CSMD1: variants seen among roughly 807,000 people sequenced by gnomAD.
CSMD1 encodes the protein CUB and sushi domain-containing protein 1.
CSMD1 carries 213 observed loss-of-function variants against 417.5 expected under a neutral mutation model. That is an observed-to-expected ratio of 0.51 (90% CI 0.46 to 0.57). CSMD1 has a LOEUF of 0.57. Ranked by LOEUF, CSMD1 falls within the 20% of genes least tolerant of loss-of-function variation. The probability of loss-of-function intolerance (pLI) is 0.00; values close to 1 mark genes in which losing one functional copy is unlikely to be tolerated. For missense variants in CSMD1, 6,923 were observed against 4,529.7 expected, an observed-to-expected ratio of 1.53 and a Z score of -15.17; for synonymous variants, 2,862 against 1,736.8, an observed-to-expected ratio of 1.65 and a Z score of -16.11.
chr8:3,002,404 G>C (rs997880021), intron 52 of CSMD1, among the ~76,000 whole-genome samples: 17 of 152,172 alleles, frequency 1.1e-4, no homozygotes, highest in Non-Finnish European at 2.5e-4. Context: ...GAGCCCATCA[G>C]CCCAGCACAA....
intron 10 of CSMD1, among the ~76,000 whole-genome samples, chr8:3,528,175 T>G (rs1797832227): frequency 6.6e-6 from 1 of 152,232 alleles, no homozygotes; most frequent in African/African-American, 2.4e-5. Flanking sequence ...TTAACTCCCC[T>G]GGTAGAATCA....
At chr8:4,753,460 C>G (rs1219301316) in intron 1 of CSMD1, among the ~76,000 whole-genome samples, 1 of 150,256 alleles carries the variant, frequency 6.7e-6, no homozygotes, top group Non-Finnish European at 1.5e-5. Context: ...CGCACACACT[C>G]CTTTGTGTCT....
intron 3 of CSMD1, among the ~76,000 whole-genome samples, chr8:4,267,905 A>C (rs1215266254): frequency 1.3e-5 from 2 of 152,126 alleles, no homozygotes; most frequent in Non-Finnish European, 2.9e-5. Flanking sequence ...TAATGACTGA[A>C]ATAAAATAGG....
At chr8:3,015,905 C>T (rs1171162784) in intron 52 of CSMD1, among the ~76,000 whole-genome samples, 2 of 152,176 alleles carry the variant, frequency 1.3e-5, no homozygotes, top group African/African-American at 4.8e-5. Context: ...AACTAAGGCA[C>T]AAAGACCCTT....
In CSMD1 at chr8:4,400,821, T is replaced by C. The variant is rs573005342; in HGVS notation, c.415+19132A>G. On this transcript the variant is annotated intron_variant, in intron 3 of 69. Transcript: ENST00000635120. Reference sequence around the variant, plus strand: ...ATGAGCTCATGCTTTTAAAGGATTATTAGGGCATTTGAAGAACATTTTTTA... The same window carrying C: ...ATGAGCTCATGCTTTTAAAGGATTACTAGGGCATTTGAAGAACATTTTTTA... Among the ~76,000 whole-genome samples, 54 of 152,090 alleles carry C rather than the reference T, an allele frequency of 3.6e-4. 1 individual carries two copies. In the South Asian group the frequency reaches 0.01, roughly 29 times the overall value.
intron 1 of CSMD1, among the ~76,000 whole-genome samples, chr8:4,847,823 T>C (rs1757794980): frequency 6.6e-6 from 1 of 151,060 alleles, no homozygotes; most frequent in Non-Finnish European, 1.5e-5. Flanking sequence ...TTCTATACAA[T>C]ATACCTATTT....
chr8:3,422,676 G>T (rs975579079), intron 12 of CSMD1, among the ~76,000 whole-genome samples: 13 of 152,166 alleles, frequency 8.5e-5, no homozygotes, highest in African/African-American at 3.1e-4. Flanking sequence ...GCATTTTTCT[G>T]ATGCCAGTGA....
At chr8:3,798,943 A>T (rs991585923) in intron 5 of CSMD1, among the ~76,000 whole-genome samples, 1 of 152,074 alleles carries the variant, frequency 6.6e-6, no homozygotes, top group Admixed American at 6.6e-5. Flanking sequence ...CATATATATA[A>T]AAACTCTTTA....
At chr8:3,299,347 G>A (rs938863421) in intron 25 of CSMD1, among the ~76,000 whole-genome samples, 2 of 152,120 alleles carry the variant, frequency 1.3e-5, no homozygotes, top group African/African-American at 4.8e-5. Context: ...AGCTACTCAG[G>A]AGGCTCAGGC....
At chr8:4,257,105 A>C (rs185477345) in intron 3 of CSMD1, among the ~76,000 whole-genome samples, 47 of 152,318 alleles carry the variant, frequency 3.1e-4, no homozygotes, top group Middle Eastern at 3.4e-3. Context: ...CACACTCGCC[A>C]TACTCTATAT....
chr8:4,157,313 G>C (rs1002716732), intron 3 of CSMD1, among the ~76,000 whole-genome samples: 4 of 152,198 alleles, frequency 2.6e-5, no homozygotes, highest in Non-Finnish European at 4.4e-5. Flanking sequence ...CACTGCACCA[G>C]CAACTCAGGG....
chr8:4,061,645 A>G (rs1169861723), intron 3 of CSMD1, among the ~76,000 whole-genome samples: 1 of 152,176 alleles, frequency 6.6e-6, no homozygotes, highest in Non-Finnish European at 1.5e-5. Flanking sequence ...GGGAGGATGG[A>G]CTGTGTGGAA....
chr8:4,608,122 T>A (rs1004627683), intron 2 of CSMD1, among the ~76,000 whole-genome samples: 14 of 152,084 alleles, frequency 9.2e-5, no homozygotes, highest in African/African-American at 3.4e-4. Context: ...GTGTCCCTGG[T>A]GTGAAGACAG....
chr8:4,944,411 C>T (rs959803783), intron 1 of CSMD1, among the ~76,000 whole-genome samples: 2 of 152,130 alleles, frequency 1.3e-5, no homozygotes, highest in African/African-American at 4.8e-5. Context: ...TGTAGGAATT[C>T]TCTTGAAATA....
chr8:3,139,382 T>A (rs1025831713), intron 41 of CSMD1, among the ~76,000 whole-genome samples: 10 of 152,102 alleles, frequency 6.6e-5, no homozygotes, highest in Non-Finnish European at 5.9e-5. Flanking sequence ...GATAGCAGAA[T>A]AACCCAGAGA....
chr8:4,179,882 C>T (rs1432396070), intron 3 of CSMD1, among the ~76,000 whole-genome samples: 2 of 152,102 alleles, frequency 1.3e-5, no homozygotes, highest in African/African-American at 2.4e-5. Flanking sequence ...AATGAGATAC[C>T]ATCTCACACC....
intron 5 of CSMD1, among the ~76,000 whole-genome samples, chr8:3,758,021 T>G (rs924136137): frequency 6.6e-6 from 1 of 151,986 alleles, no homozygotes; most frequent in Non-Finnish European, 1.5e-5. Flanking sequence ...TGGACTGCAC[T>G]GGCACAATCT....
chr8:3,763,501 G>A (rs1042899568), intron 5 of CSMD1, among the ~76,000 whole-genome samples: 3 of 151,986 alleles, frequency 2.0e-5, no homozygotes, highest in Non-Finnish European at 4.4e-5. Context: ...ATATACCTGT[G>A]CCCACTCTAC....
intron 69 of CSMD1, among the ~76,000 whole-genome samples, chr8:2,941,261 T>C (rs987318611): frequency 1.3e-5 from 2 of 152,176 alleles, no homozygotes; most frequent in African/African-American, 4.8e-5. Context: ...TGAAGCAACA[T>C]TTTCTCTACT....
Sources: allele counts gnomAD v4.1 joint callset (sites outside exome capture counted in the v4.1 genomes callset), GRCh38; gene constraint gnomAD v4.1.1; transcripts MANE v1.5; gene names NCBI Gene and HGNC (gene_info 2026-07-23, HGNC 2026-07-21).